Variants in ADGRL2 observed in about 807,000 individuals in gnomAD.
ADGRL2 encodes the protein adhesion G protein-coupled receptor L2, also known as calcium-independent alpha-latrotoxin receptor 2.
Under a neutral mutation model 157.4 loss-of-function variants are expected in ADGRL2, and 44 were observed. The ratio of observed to expected loss-of-function variants is 0.28; its 90% CI spans 0.22 to 0.36. The LOEUF (loss-of-function observed/expected upper bound fraction) is 0.36. ADGRL2 is among the 10% of genes least tolerant of loss of function. ADGRL2 has a pLI of 1.00. For missense variants in ADGRL2, 1,510 were observed against 1,768.9 expected (o/e 0.85, Z 2.63); for synonymous variants, 585 against 624.7 (o/e 0.94, Z 0.95).
At chr1:81,820,505 C>G (rs1445637172) in intron 1 of ADGRL2, among the ~76,000 whole-genome samples, 1 of 151,810 alleles carries the variant, frequency 6.6e-6, no homozygotes, top group African/African-American at 2.4e-5. Context: ...ATTTAAGTGG[C>G]CCTTTTGGTA....
At chr1:81,952,208 G>A (rs1212105743) in intron 9 of ADGRL2, 66 bp downstream of exon 9, 2 of 1,304,186 alleles carry the variant, frequency 1.5e-6, no homozygotes, top group Non-Finnish European at 2.1e-6. Flanking sequence ...TTGTCTTATA[G>A]CAGTTGAGAG....
chr1:81,393,356 GAA>G lies in ADGRL2; in HGVS notation c.-301-51666_-301-51665del, dbSNP rs33999150. ...AACACACAAAACTCCATGCCCCAGG[GAA>G]AAAAAAAAAAAAAGCATTGTACATA... On this transcript the variant is annotated intron_variant, in intron 1 of 24. Transcript: ENST00000370721. 7.6e-4 allele frequency among the ~76,000 whole-genome samples: 101 copies of G among 132,174 alleles called. 1 individual carries two copies. The highest frequency in any genetic ancestry group is 7.3e-4 in the African/African-American group (26 of 35,462). The allele number at this position is 132,174 out of a possible 152,430, so 86.7% of individuals were successfully genotyped here.
At chr1:81,822,974 G>T (rs1217392512) in intron 1 of ADGRL2, among the ~76,000 whole-genome samples, 1 of 151,642 alleles carries the variant, frequency 6.6e-6, no homozygotes, top group Non-Finnish European at 1.5e-5. Flanking sequence ...GTCAAACAAT[G>T]ATAAATTAAA....
At position 81,337,430 on chromosome 1, in the gene ADGRL2, C is replaced by T. The variant is rs189514772; in HGVS notation, c.-302+30921C>T. 7.4e-4 allele frequency among the ~76,000 whole-genome samples: 113 copies of T among 152,276 alleles called. 1 individual carries two copies. The highest frequency in any genetic ancestry group is 2.6e-3 in the African/African-American group (108 of 41,562). On this transcript the variant is annotated intron_variant, in intron 1 of 24. Transcript: ENST00000370721. ...GCTCATCCCAGACCCTGCACTCGCT[C>T]ACCTTCGTGCTCCCTGTCCCATGAA...
chr1:81,646,014 T>C (rs2082309201), intron 3 of ADGRL2, among the ~76,000 whole-genome samples: 1 of 152,304 alleles, frequency 6.6e-6, no homozygotes, highest in South Asian at 2.1e-4. Context: ...TAAGTCACTC[T>C]AAGGGATAAA....
At chr1:81,448,129 C>CT (rs1312564811) in intron 2 of ADGRL2, among the ~76,000 whole-genome samples, 1 of 134,688 alleles carries the variant, frequency 7.4e-6, no homozygotes, top group Non-Finnish European at 1.6e-5. Flanking sequence ...TTTTCTTTTT[C>CT]TTTCTTTCTT....
intron 1 of ADGRL2, among the ~76,000 whole-genome samples, chr1:81,358,213 A>G (rs1663456988): frequency 6.6e-6 from 1 of 152,228 alleles, no homozygotes; most frequent in African/African-American, 2.4e-5. Context: ...ACTGTGTGAC[A>G]GAGGGTGAAT....
At chr1:81,778,088 G>A (rs1272419073) in intron 2 of ADGRL2, among the ~76,000 whole-genome samples, 1 of 152,080 alleles carries the variant, frequency 6.6e-6, no homozygotes, top group East Asian at 1.9e-4. Context: ...TGGGAGGCTG[G>A]GTCGGGCGTA....
At chr1:81,747,027 T>C (rs892041078) in intron 1 of ADGRL2, among the ~76,000 whole-genome samples, 2 of 145,444 alleles carry the variant, frequency 1.4e-5, no homozygotes, top group African/African-American at 4.9e-5. Context: ...TATACACGTG[T>C]ATATACGTAT....
chr1:81,451,420 A>T (rs2077700494), intron 2 of ADGRL2, among the ~76,000 whole-genome samples: 2 of 152,224 alleles, frequency 1.3e-5, no homozygotes, highest in South Asian at 4.1e-4. Flanking sequence ...ATATCAAAAC[A>T]TATGAAGAAG....
At chr1:81,349,182 A>G (rs1269776592) in intron 1 of ADGRL2, among the ~76,000 whole-genome samples, 2 of 152,184 alleles carry the variant, frequency 1.3e-5, no homozygotes, top group Admixed American at 6.5e-5. Flanking sequence ...AAGCAAAGCC[A>G]TTAAACCGTG....
chr1:81,686,163 G>A (rs1015505806), intron 3 of ADGRL2, among the ~76,000 whole-genome samples: 5 of 152,126 alleles, frequency 3.3e-5, no homozygotes, highest in African/African-American at 4.8e-5. Flanking sequence ...AATGAGTTAG[G>A]GAGGGTTCCT....
intron 2 of ADGRL2, among the ~76,000 whole-genome samples, chr1:81,794,761 G>A (rs1417418771): frequency 3.3e-5 from 5 of 152,168 alleles, no homozygotes; most frequent in African/African-American, 1.2e-4. Context: ...AGAATGCATT[G>A]TAAAGAGTTT....
intron 2 of ADGRL2, among the ~76,000 whole-genome samples, chr1:81,516,706 GA>G (rs1379640317): frequency 1.3e-5 from 2 of 152,254 alleles, no homozygotes; most frequent in African/African-American, 4.8e-5. Context: ...GAGTAACTAG[GA>G]AATGCAATCA....
intron 1 of ADGRL2, among the ~76,000 whole-genome samples, chr1:81,801,899 G>C (rs1321205194): frequency 1.3e-5 from 2 of 152,110 alleles, no homozygotes; most frequent in African/African-American, 4.8e-5. Flanking sequence ...GGGAGCGTGC[G>C]GTCTGGGGGT....
chr1:81,421,945 T>C (rs2101548620), intron 1 of ADGRL2, among the ~76,000 whole-genome samples: 1 of 152,328 alleles, frequency 6.6e-6, no homozygotes, highest in East Asian at 1.9e-4. Flanking sequence ...GGGAACATAC[T>C]ACCTCTATAT....
At chr1:81,632,023 A>G (rs2082019571) in intron 3 of ADGRL2, among the ~76,000 whole-genome samples, 1 of 152,230 alleles carries the variant, frequency 6.6e-6, no homozygotes, top group Non-Finnish European at 1.5e-5. Context: ...ATAGCCACAT[A>G]AGAAATATTT....
chr1:81,638,005 T>G (rs1363362491), intron 3 of ADGRL2, among the ~76,000 whole-genome samples: 1 of 152,046 alleles, frequency 6.6e-6, no homozygotes, highest in South Asian at 2.1e-4. Context: ...TCATTCACCA[T>G]GTAACTGTGG....
intron 3 of ADGRL2, among the ~76,000 whole-genome samples, chr1:81,914,900 A>G (rs143099327): frequency 6.6e-6 from 1 of 152,288 alleles, no homozygotes; most frequent in East Asian, 1.9e-4. Context: ...AAAGCAAAGC[A>G]CTCATAGGAA....
Sources: gnomAD v4.1 joint callset for allele counts (sites outside exome capture counted in the v4.1 genomes callset) on GRCh38, gnomAD v4.1.1 for gene constraint, MANE v1.5 for transcripts, NCBI Gene and HGNC (gene_info 2026-07-23, HGNC 2026-07-21) for gene names.